The following PRELID2 variants were observed in gnomAD, a reference collection of about 807,000 sequenced individuals.
PRELID2 encodes the protein PRELI domain containing 2.
Under a neutral mutation model 28.4 loss-of-function variants are expected in PRELID2, and 25 were observed. The observed-to-expected ratio is 0.88, with a 90% CI of 0.64 to 1.23. The LOEUF is 1.23. Ranked by LOEUF, PRELID2 falls within the 50% of genes most tolerant of loss-of-function variation. The pLI, the probability that PRELID2 is intolerant of heterozygous loss-of-function variation, is 0.00. For missense variants in PRELID2, 201 were observed against 214.4 expected (o/e 0.94, Z 0.39); for synonymous variants, 76 against 71.6 (o/e 1.06, Z -0.31).
intron 1 of PRELID2, among the ~76,000 whole-genome samples, chr5:145,740,604 TTATATATATAAATATATATATATTA>T (rs1554087765): frequency 9.6e-4 from 4 of 4,148 alleles, no homozygotes; most frequent in Non-Finnish European, 3.6e-3. Context: ...TATATATATA[TTATATATATAAATATATATATATTA>T]TATATATAAA....
At chr5:145,250,829 C>A in the PRELID2 span, among the ~76,000 whole-genome samples, 1 of 152,096 alleles carries the variant, frequency 6.6e-6, no homozygotes. Context: ...TAATGGCAAT[C>A]ACTTTTGGGA....
At position 145,514,318 on chromosome 5, in the gene PRELID2, C is replaced by CAAA. The variant is rs55760860; in HGVS notation, n.71-41006_71-41004dup. Among the ~76,000 whole-genome samples, 6 of 67,492 alleles carry CAAA rather than the reference C, an allele frequency of 8.9e-5. 1 individual carries two copies. The highest frequency in any genetic ancestry group is 3.4e-4 in the African/African-American group (6 of 17,632). 44.3% of individuals were successfully genotyped at this position (67,492 alleles called of 152,430 possible). A position where few individuals can be genotyped will look rare whatever the true frequency, so the allele number is the denominator to read the frequency against. ...GAATATTTACCAAGCAAATGGAAAGCAAAAAAAAAAAAAAAGCATGGGTTG... is the reference window on the plus strand; with the variant it reads ...GAATATTTACCAAGCAAATGGAAAGCAAAAAAAAAAAAAAAAAAGCATGGGTTG... On this transcript the variant is annotated intron_variant and non_coding_transcript_variant, in intron 1 of 2. Coordinates refer to the PRELID2 transcript ENST00000510259.
In PRELID2 at chr5:145,496,273, C is replaced by A. The variant is rs1580958434; in HGVS notation, n.71-22958G>T. Among the ~76,000 whole-genome samples the A allele has an allele frequency of 2.6e-5, 4 of 152,192 alleles. No homozygotes were observed. In the East Asian group the frequency reaches 5.8e-4, roughly 22 times the overall value. ...AAATTTGAAGTGCCCACTAGACATC[C>A]AAATAGGCAGTTAGATATCTGAACT... On this transcript the variant is annotated intron_variant and non_coding_transcript_variant, in intron 1 of 2. Transcript: ENST00000510259.
the PRELID2 span, among the ~76,000 whole-genome samples, chr5:145,301,942 T>C: frequency 6.7e-5 from 10 of 148,538 alleles, no homozygotes; most frequent in African/African-American, 2.5e-4. Context: ...TTTTTTTTTT[T>C]TTTTTTTGCT....
At chr5:145,636,186 T>C (rs746255115) in intron 1 of PRELID2, among the ~76,000 whole-genome samples, 33 of 152,238 alleles carry the variant, frequency 2.2e-4, no homozygotes, top group Non-Finnish European at 4.3e-4. Flanking sequence ...TTATACCCAA[T>C]GTAGAGATGA....
At chr5:145,409,340 T>C in the PRELID2 span, among the ~76,000 whole-genome samples, 2 of 152,144 alleles carry the variant, frequency 1.3e-5, no homozygotes, top group Non-Finnish European at 2.9e-5. Flanking sequence ...AGGTAACAAC[T>C]AGCATGATGA....
intron 1 of PRELID2, among the ~76,000 whole-genome samples, chr5:145,491,423 T>C (rs1181770559): frequency 6.6e-6 from 1 of 152,170 alleles, no homozygotes; most frequent in Non-Finnish European, 1.5e-5. Context: ...TTAATTTATA[T>C]GTTTTAATTG....
the PRELID2 span, among the ~76,000 whole-genome samples, chr5:145,238,012 G>A: frequency 6.6e-6 from 1 of 152,064 alleles, no homozygotes; most frequent in Admixed American, 6.6e-5. Flanking sequence ...CATATTTCAT[G>A]TGGTAATCAG....
At chr5:145,406,073 G>C in the PRELID2 span, among the ~76,000 whole-genome samples, 1 of 151,922 alleles carries the variant, frequency 6.6e-6, no homozygotes, top group African/African-American at 2.4e-5. Flanking sequence ...CAACACCATG[G>C]GGATGTTGTT....
intron 1 of PRELID2, among the ~76,000 whole-genome samples, chr5:145,636,148 A>G (rs562150525): frequency 6.6e-6 from 1 of 152,348 alleles, no homozygotes; most frequent in South Asian, 2.1e-4. Flanking sequence ...TGTTTCATCC[A>G]TACAACTCCC....
At chr5:145,550,975 C>T (rs1432117259) in intron 1 of PRELID2, among the ~76,000 whole-genome samples, 1 of 152,176 alleles carries the variant, frequency 6.6e-6, no homozygotes, top group Non-Finnish European at 1.5e-5. Flanking sequence ...CATAACTCTA[C>T]ATTCTTCCTT....
chr5:145,688,425 G>A (rs763775029), intron 1 of PRELID2, among the ~76,000 whole-genome samples: 2 of 152,138 alleles, frequency 1.3e-5, no homozygotes, highest in African/African-American at 2.4e-5. Flanking sequence ...GGAAGTCCTC[G>A]TCAAATATTT....
At chr5:145,553,072 A>T (rs2126683151) in intron 1 of PRELID2, among the ~76,000 whole-genome samples, 1 of 152,288 alleles carries the variant, frequency 6.6e-6, no homozygotes, top group East Asian at 1.9e-4. Context: ...AATGATTAAG[A>T]TATAAAGTCA....
At chr5:145,390,856 T>A in the PRELID2 span, among the ~76,000 whole-genome samples, 4 of 152,104 alleles carry the variant, frequency 2.6e-5, no homozygotes, top group African/African-American at 9.7e-5. Flanking sequence ...TTGGGTAAAT[T>A]CACCCATTCC....
chr5:145,332,843 A>C, the PRELID2 span, among the ~76,000 whole-genome samples: 1 of 152,066 alleles, frequency 6.6e-6, no homozygotes, highest in Non-Finnish European at 1.5e-5. Flanking sequence ...GAAGAAGAAG[A>C]GTCATTCTGG....
chr5:145,539,299 G>C (rs1279610298), intron 1 of PRELID2, among the ~76,000 whole-genome samples: 1 of 151,982 alleles, frequency 6.6e-6, no homozygotes. Context: ...AACTGACTTT[G>C]GTCACTTTCC....
the PRELID2 span, among the ~76,000 whole-genome samples, chr5:145,436,777 C>T: frequency 6.6e-6 from 1 of 152,140 alleles, no homozygotes; most frequent in Non-Finnish European, 1.5e-5. Flanking sequence ...CTCACTGAGA[C>T]TAACAGTAGG....
chr5:145,273,032 G>A, the PRELID2 span, among the ~76,000 whole-genome samples: 4 of 152,050 alleles, frequency 2.6e-5, no homozygotes, highest in Admixed American at 1.3e-4. Flanking sequence ...TTAGCTCATC[G>A]GAGAGCAGGG....
chr5:145,421,113 T>G, the PRELID2 span, among the ~76,000 whole-genome samples: 1 of 151,888 alleles, frequency 6.6e-6, no homozygotes, highest in South Asian at 2.1e-4. Context: ...AGCTTTTTGA[T>G]GTGCTGCTGG....
Sources: allele counts gnomAD v4.1 joint callset (sites outside exome capture counted in the v4.1 genomes callset), GRCh38; gene constraint gnomAD v4.1.1; transcripts MANE v1.5; gene names NCBI Gene and HGNC (gene_info 2026-07-23, HGNC 2026-07-21).